Variants in BAZ1B observed in about 807,000 individuals in gnomAD.
BAZ1B encodes tyrosine-protein kinase BAZ1B.
Under a neutral mutation model 153.8 loss-of-function variants are expected in BAZ1B, and 22 were observed. The ratio of observed to expected loss-of-function variants is 0.14; its 90% CI spans 0.10 to 0.20. The LOEUF is 0.20. Ranked by LOEUF, BAZ1B falls within the 10% of genes least tolerant of loss-of-function variation. The probability of loss-of-function intolerance (pLI) is 1.00; values close to 1 mark genes in which losing one functional copy is unlikely to be tolerated. For missense variants in BAZ1B, 1,325 were observed against 1,799.3 expected (o/e 0.74, Z 4.77); for synonymous variants, 676 against 633.4 (o/e 1.07, Z -1.01).
intron 6 of BAZ1B, among the ~76,000 whole-genome samples, chr7:73,485,298 C>T (rs1467681514): frequency 6.6e-6 from 1 of 151,970 alleles, no homozygotes; most frequent in Non-Finnish European, 1.5e-5. Context: ...AATTACTTGG[C>T]TCAGGAAAAA....
At chr7:73,455,479 C>A (rs1279578110) in intron 13 of BAZ1B, among the ~76,000 whole-genome samples, 1 of 151,930 alleles carries the variant, frequency 6.6e-6, no homozygotes, top group Non-Finnish European at 1.5e-5. Flanking sequence ...ATAAGTAATA[C>A]AAAATTAAAA....
rs141027825 is a variant in BAZ1B, at chr7:73,471,893, G to C, written c.2594-1410C>G. The stretch of plus-strand genomic sequence containing the variant: ...TGATTAAAAAAAAAAAAAAGCGAGA[G>C]AGTGAGTGATGGCCCAATTACAATC... On this transcript the variant is annotated intron_variant, in intron 7 of 19. Coordinates refer to ENST00000339594, the MANE Select transcript of BAZ1B (RefSeq NM_032408.4). 5.8e-4 allele frequency among the ~76,000 whole-genome samples: 86 copies of C among 149,128 alleles called. 2 individuals are homozygous for C. In the East Asian group the frequency reaches 0.016, roughly 28 times the overall value.
chr7:73,449,456 T>C lies in BAZ1B; in HGVS notation c.3728+86A>G, dbSNP rs1563363803. 5 of 1,442,722 alleles carry C rather than the reference T, an allele frequency of 3.5e-6. No individual in the cohort carries two copies. In the East Asian group the frequency reaches 1.2e-4, roughly 36 times the overall value. 89.4% of individuals were successfully genotyped at this position (1,442,722 alleles called of 1,614,324 possible). A position where few individuals can be genotyped will look rare whatever the true frequency, so the allele number is the denominator to read the frequency against. On this transcript the variant is annotated intron_variant, in intron 15 of 19. Transcript: ENST00000339594. The stretch of plus-strand genomic sequence containing the variant: ...AAAGATGAACTTAAAGCTCCTTAGA[T>C]TCATTCTGTTTGAATAACTCAAGCT...
At chr7:73,466,775 T>C (rs1788604564) in intron 9 of BAZ1B, among the ~76,000 whole-genome samples, 1 of 152,240 alleles carries the variant, frequency 6.6e-6, no homozygotes, top group Admixed American at 6.5e-5. Flanking sequence ...ATATAAATAC[T>C]ATAGACTTAT....
intron 5 of BAZ1B, among the ~76,000 whole-genome samples, chr7:73,490,231 T>C (rs1563388948): frequency 2.0e-5 from 3 of 152,150 alleles, no homozygotes; most frequent in Non-Finnish European, 4.4e-5. Flanking sequence ...CTGGTGACTA[T>C]CACACACATT....
rs1787996885 is a variant in BAZ1B at position 73,450,546 on chromosome 7, TA to T, written c.3580+300del. ...AAAGTTCTGAGCCAATCAAAGGATTTAAAACTAAACTAACTAAAATAGTTAC... is the reference window on the plus strand; with the variant it reads ...AAAGTTCTGAGCCAATCAAAGGATTTAAACTAAACTAACTAAAATAGTTAC... On this transcript the variant is annotated intron_variant, in intron 14 of 19. Coordinates refer to ENST00000339594, the MANE Select transcript of BAZ1B (RefSeq NM_032408.4). The surrounding 1 kb of genome is among the most constrained non-coding windows in gnomAD (Gnocchi z 4.1). Among the ~76,000 whole-genome samples the T allele has an allele frequency of 6.6e-6, 1 of 152,198 alleles. No homozygotes were observed. Among genetic ancestry groups the T allele is most frequent in the Admixed American group, 6.5e-5 (1 of 15,268 alleles).
At chr7:73,442,619 C>G in intron 18 of BAZ1B, 66 bp from the exon 19 acceptor site, 4 of 1,555,344 alleles carry the variant, frequency 2.6e-6, no homozygotes, top group Non-Finnish European at 3.5e-6. Context: ...CACTGAGACA[C>G]GTCCTGAAAA....
rs782672797 is a variant in BAZ1B, at chr7:73,442,479, T to C, written c.4169A>G (p.Gln1390Arg). The C allele has an allele frequency of 2.5e-6, 4 of 1,614,128 alleles. No homozygotes were observed. Among genetic ancestry groups the C allele is most frequent in the Non-Finnish European group, 3.4e-6 (4 of 1,180,054 alleles). ...ITHPMDFQTVQNKCSCGSYRS... is the reference protein window; with the variant it reads ...ITHPMDFQTVRNKCSCGSYRS... ...GTAGCTCCCACAGGAACATTTGTTC[T>C]GCACTGTCTGAAAGTCCATGGGGTG... Residue 1390 changes from glutamine (Q) to arginine (R), a missense_variant, in exon 19 of 20, where the codon CAG (glutamine) becomes CGG (arginine). By Grantham distance (43) the Gln-to-Arg change is conservative. This residue lies in a region of BAZ1B where 271 missense variants were observed against 337.2 expected (regional missense o/e 0.80). Transcript: ENST00000339594.
intron 19 of BAZ1B, 45 bp downstream of exon 19, chr7:73,442,136 T>C (rs2116206497): frequency 8.7e-6 from 5 of 573,490 alleles, no homozygotes; most frequent in Non-Finnish European, 9.7e-6. Context: ...CTCGCTCGCC[T>C]CCCTCCCACC....
intron 3 of BAZ1B, among the ~76,000 whole-genome samples, chr7:73,508,126 G>C (rs1276992175): frequency 6.6e-6 from 1 of 152,156 alleles, no homozygotes; most frequent in African/African-American, 2.4e-5. Context: ...CTGCACTCCA[G>C]CCTTGGCGAC....
At chr7:73,454,773 G>GT in intron 13 of BAZ1B, among the ~76,000 whole-genome samples, 1 of 152,098 alleles carries the variant, frequency 6.6e-6, no homozygotes, top group Non-Finnish European at 1.5e-5. Flanking sequence ...GAGTACTGCT[G>GT]TTTCTCATCA....
intron 2 of BAZ1B, 77 bp downstream of exon 2, chr7:73,510,659 A>C: frequency 7.4e-7 from 1 of 1,357,636 alleles, no homozygotes; most frequent in Non-Finnish European, 1.0e-6. Context: ...AAATACACAT[A>C]CTGCTTTAGG....
rs1554571709 is a variant in BAZ1B, at chr7:73,469,632, A to G, written c.2751T>C (p.Asp917=). Residue 917 remains aspartate, a synonymous_variant, in exon 9 of 20, where the codon GAT becomes GAC. Transcript: ENST00000339594. ...TTTCAATGAATAATCCTGGAACTTC[A>G]TCTGAGAAGAGCCAGTATCTACAAA... The part of the protein sequence containing the change: ...RNHNRYWLFS[D]EVPGLFIEKG... 14 of 1,614,098 alleles carry G rather than the reference A, an allele frequency of 8.7e-6. No homozygotes were observed. Among genetic ancestry groups the G allele is most frequent in the Non-Finnish European group, 1.2e-5 (14 of 1,179,976 alleles).
chr7:73,455,051 TTTTC>T (rs1157257282), intron 13 of BAZ1B, among the ~76,000 whole-genome samples: 2 of 151,804 alleles, frequency 1.3e-5, no homozygotes, highest in African/African-American at 4.8e-5. Context: ...TGTGTGCATT[TTTTC>T]TTTTTTTTTT....
intron 3 of BAZ1B, among the ~76,000 whole-genome samples, chr7:73,506,071 T>C (rs115462515): frequency 0.013 from 1,913 of 152,332 alleles, 43 homozygotes; most frequent in African/African-American, 0.044. Context: ...TACATACAGA[T>C]AGATATTTAA....
intron 1 of BAZ1B, 34 bp downstream of exon 1, chr7:73,521,793 G>A (rs1791060859): frequency 2.0e-6 from 3 of 1,472,688 alleles, no homozygotes; most frequent in Non-Finnish European, 2.7e-6. Flanking sequence ...GCCCAGCCCG[G>A]CCCAGCCCGG....
At position 73,463,469 on chromosome 7, in the gene BAZ1B, A is replaced by C. The variant is rs560007391; in HGVS notation, c.3072-370T>G. On this transcript the variant is annotated intron_variant, in intron 11 of 19. Transcript: ENST00000339594. ...TGCCCAGGCTGGTCTCAAACTCCTG[A>C]TTTCAATTCAAGCGATCCTCTCCCC... Among the ~76,000 whole-genome samples the C allele has an allele frequency of 2.0e-5, 3 of 151,478 alleles. 1 individual carries two copies. The South Asian group carries it at 6.3e-4, about 32-fold the overall frequency.
At chr7:73,479,807 AC>A (rs1554573443) in intron 6 of BAZ1B, among the ~76,000 whole-genome samples, 1 of 152,006 alleles carries the variant, frequency 6.6e-6, no homozygotes, top group Non-Finnish European at 1.5e-5. Flanking sequence ...ACCCTGATTA[AC>A]TCACTCTATT....
At chr7:73,461,510 T>G (rs1263014242) in intron 12 of BAZ1B, among the ~76,000 whole-genome samples, 3 of 152,018 alleles carry the variant, frequency 2.0e-5, no homozygotes, top group Admixed American at 2.0e-4. Flanking sequence ...AAAGTAAACA[T>G]GTAACATCTG....
Sources: allele counts gnomAD v4.1 joint callset (sites outside exome capture counted in the v4.1 genomes callset), GRCh38; gene constraint gnomAD v4.1.1; regional missense constraint gnomAD v4.1.1; non-coding constraint Gnocchi (gnomAD v3.1); transcripts MANE v1.5; gene names NCBI Gene and HGNC (gene_info 2026-07-23, HGNC 2026-07-21).